TMEM87A: variants seen among roughly 807,000 people sequenced by gnomAD.
TMEM87A encodes transmembrane protein 87A.
Under a neutral mutation model 90.0 loss-of-function variants are expected in TMEM87A, and 50 were observed. That is an observed-to-expected ratio of 0.56 (90% CI 0.44 to 0.70). The LOEUF (loss-of-function observed/expected upper bound fraction) is 0.70, where lower values mean the gene tolerates loss of function less well. Among genes scored for constraint, TMEM87A ranks in the 30% least tolerant of loss-of-function variants. TMEM87A has a pLI of 0.00. For synonymous variants in TMEM87A, 226 were observed against 226.7 expected, an observed-to-expected ratio of 1.00 and a Z score of 0.03; for missense variants, 577 against 660.5, an observed-to-expected ratio of 0.87 and a Z score of 1.39.
At chr15:42,273,181 C>T in intron 1 of TMEM87A, 74 bp downstream of exon 1, 2 of 1,585,700 alleles carry the variant, frequency 1.3e-6, no homozygotes, top group Non-Finnish European at 1.7e-6. Flanking sequence ...GCGGAACCTT[C>T]ATGGACCCCT....
At chr15:42,214,745 A>T (rs530128854) in intron 19 of TMEM87A, among the ~76,000 whole-genome samples, 142 of 152,274 alleles carry the variant, frequency 9.3e-4, no homozygotes, top group African/African-American at 3.4e-3. Flanking sequence ...AAACCACAAA[A>T]CTCCTAGAAG....
chr15:42,261,693 G>C (rs1470236899), intron 4 of TMEM87A, among the ~76,000 whole-genome samples: 1 of 150,132 alleles, frequency 6.7e-6, no homozygotes, highest in Non-Finnish European at 1.5e-5. Flanking sequence ...GAGTGCAGTG[G>C]TGTTATCTCG....
chr15:42,272,849 A>G (rs2051569349), intron 1 of TMEM87A: 1 of 438,512 alleles, frequency 2.3e-6, no homozygotes, highest in Admixed American at 2.7e-5. Flanking sequence ...AGAAGTGCAG[A>G]GGAAGAAAAA....
At chr15:42,239,597 G>T in intron 8 of TMEM87A, 73 bp downstream of exon 8, 1 of 1,239,206 alleles carries the variant, frequency 8.1e-7, no homozygotes, top group Non-Finnish European at 1.2e-6. Flanking sequence ...AAAGAATACT[G>T]CCACAAAACA....
chr15:42,237,334 A>C, intron 9 of TMEM87A, 98 bp downstream of exon 9: 4 of 1,179,038 alleles, frequency 3.4e-6, no homozygotes, highest in Non-Finnish European at 3.5e-6. Context: ...TAAGTAATTG[A>C]AAAGTTAAGC....
At chr15:42,237,369 G>A (rs2050787973) in intron 9 of TMEM87A, 63 bp downstream of exon 9, 1 of 1,539,698 alleles carries the variant, frequency 6.5e-7, no homozygotes, top group Middle Eastern at 1.8e-4. Flanking sequence ...CTGACCTTAG[G>A]AATATTTTCA....
chr15:42,231,452 A>C (rs1221973567), intron 11 of TMEM87A, among the ~76,000 whole-genome samples, 192 bp from the exon 12 acceptor site: 1 of 152,234 alleles, frequency 6.6e-6, no homozygotes, highest in Non-Finnish European at 1.5e-5. Flanking sequence ...TACAGCTATA[A>C]GCATTTCACA....
At chr15:42,268,775 C>T (rs749690472) in intron 2 of TMEM87A, among the ~76,000 whole-genome samples, 1 of 152,144 alleles carries the variant, frequency 6.6e-6, no homozygotes, top group Admixed American at 6.5e-5. Context: ...ATTATTAAGA[C>T]CCTTCAAAAG....
At position 42,264,207 on chromosome 15, in the gene TMEM87A, G is replaced by A; in HGVS notation, c.292-4C>T. On this transcript the variant is annotated splice_polypyrimidine_tract_variant and splice_region_variant and intron_variant, in intron 3 of 19. Coordinates refer to ENST00000389834, the MANE Select transcript of TMEM87A (RefSeq NM_015497.5). ...AATACAACTCTACTTCTTCTGCCTG[G>A]AAAAAGAGATAATACAGAGTAGTTA... 1.9e-6 allele frequency: 3 copies of A among 1,601,300 alleles called. No individual in the cohort carries two copies. Among genetic ancestry groups the A allele is most frequent in the Non-Finnish European group, 2.6e-6 (3 of 1,170,200 alleles).
chr15:42,235,114 C>T (rs2050748245), intron 10 of TMEM87A, among the ~76,000 whole-genome samples: 1 of 152,194 alleles, frequency 6.6e-6, no homozygotes, highest in Admixed American at 6.5e-5. Context: ...TCTTGGCTCA[C>T]TGCAATCTCC....
chr15:42,264,842 C>A (rs1194240735), intron 3 of TMEM87A, among the ~76,000 whole-genome samples: 1 of 151,546 alleles, frequency 6.6e-6, no homozygotes, highest in Non-Finnish European at 1.5e-5. Context: ...TTTTCTGATC[C>A]TCTCCCTCCT....
At chr15:42,272,212 C>A in intron 1 of TMEM87A, 89 bp from the exon 2 acceptor site, 1 of 950,048 alleles carries the variant, frequency 1.1e-6, no homozygotes, top group South Asian at 1.6e-5. Flanking sequence ...GAAATTCCAA[C>A]TTAACTTAAA....
chr15:42,227,698 G>A lies in TMEM87A; in HGVS notation c.1299+13C>T. Reference sequence around the variant, plus strand: ...AAGACAGTACATTATTCATAAATGTGCTTATAACTCACCGACTGACATGTC... The same window carrying A: ...AAGACAGTACATTATTCATAAATGTACTTATAACTCACCGACTGACATGTC... On this transcript the variant is annotated intron_variant, in intron 14 of 19. Coordinates refer to ENST00000389834, the MANE Select transcript of TMEM87A (RefSeq NM_015497.5). The A allele has an allele frequency of 1.2e-6, 2 of 1,608,556 alleles. No individual in the cohort carries two copies. The highest frequency in any genetic ancestry group is 1.7e-6 in the Non-Finnish European group (2 of 1,175,150).
At chr15:42,253,598 T>C (rs919589848) in intron 6 of TMEM87A, among the ~76,000 whole-genome samples, 3 of 152,196 alleles carry the variant, frequency 2.0e-5, no homozygotes, top group Non-Finnish European at 4.4e-5. Flanking sequence ...TCTGTATTAG[T>C]TCCCCTGGCA....
At chr15:42,270,243 G>A (rs1284881260) in intron 2 of TMEM87A, among the ~76,000 whole-genome samples, 1 of 151,852 alleles carries the variant, frequency 6.6e-6, no homozygotes, top group East Asian at 1.9e-4. Context: ...GGTGGCACGC[G>A]CCTATAGTCC....
chr15:42,258,234 AAAAGTCATATAATACATACTCT>A (rs1020941595), intron 6 of TMEM87A: 4 of 889,852 alleles, frequency 4.5e-6, no homozygotes, highest in South Asian at 5.1e-5. Flanking sequence ...AGCTACAAAA[AAAAGTCATATAATACATACTCT>A]AAGATTCCCT....
chr15:42,250,446 T>C (rs1478535625), intron 6 of TMEM87A, among the ~76,000 whole-genome samples: 1 of 152,232 alleles, frequency 6.6e-6, no homozygotes, highest in African/African-American at 2.4e-5. Context: ...TCCGGAACTC[T>C]TGTAGGGCAG....
chr15:42,252,712 G>T (rs2051108359), intron 6 of TMEM87A, among the ~76,000 whole-genome samples: 1 of 151,752 alleles, frequency 6.6e-6, no homozygotes, highest in Non-Finnish European at 1.5e-5. Flanking sequence ...TTCATCCATG[G>T]TTTTTTTATT....
At chr15:42,235,876 A>G (rs1453291880) in intron 10 of TMEM87A, among the ~76,000 whole-genome samples, 2 of 152,210 alleles carry the variant, frequency 1.3e-5, no homozygotes, top group African/African-American at 4.8e-5. Context: ...TTTACTTGCC[A>G]TATCCCCAGG....
Sources: gnomAD v4.1 joint callset for allele counts (sites outside exome capture counted in the v4.1 genomes callset) on GRCh38, gnomAD v4.1.1 for gene constraint, MANE v1.5 for transcripts, NCBI Gene and HGNC (gene_info 2026-07-23, HGNC 2026-07-21) for gene names.